Variants in SLCO1B3 observed in about 807,000 individuals in gnomAD.
The protein encoded by SLCO1B3 is solute carrier organic anion transporter family member 1B3, also known as liver-specific organic anion transporter 2.
A neutral mutation model predicts 71.8 loss-of-function variants in SLCO1B3; 72 were observed. The ratio of observed to expected loss-of-function variants is 1.00; its 90% confidence interval spans 0.83 to 1.22. The LOEUF (loss-of-function observed/expected upper bound fraction) is 1.22. Ranked by LOEUF, SLCO1B3 falls within the 50% of genes most tolerant of loss-of-function variation. SLCO1B3 has a pLI of 0.00. For missense variants in SLCO1B3, 911 were observed against 819.7 expected (o/e 1.11, Z -1.36); for synonymous variants, 298 against 278.4 (o/e 1.07, Z -0.70).
At position 20,862,553 on chromosome 12, in the gene SLCO1B3, A is replaced by G. The variant is rs907711052; in HGVS notation, c.623A>G (p.Tyr208Cys). 1.9e-6 allele frequency: 3 copies of G among 1,607,028 alleles called. No homozygotes were observed. The highest frequency in any genetic ancestry group is 2.6e-6 in the Non-Finnish European group (3 of 1,175,116). The change falls in exon 7 of 16, where the codon TAT becomes TGT. Residue 208 changes from tyrosine (Y) to cysteine (C), a missense_variant. Coordinates refer to ENST00000381545, the MANE Select transcript of SLCO1B3 (RefSeq NM_019844.4). ...GCAAAAGAAGGACATTCTTCCTTGT[A>G]TTTAGGTAACGTACAGAATATATTA... is the stretch of plus-strand genomic sequence containing the variant. ...DFAKEGHSSL[Y>C]LGSLNAIGMI...
intron 8 of SLCO1B3, among the ~76,000 whole-genome samples, chr12:20,874,383 A>G (rs1231957069): frequency 6.6e-6 from 1 of 152,162 alleles, no homozygotes; most frequent in Non-Finnish European, 1.5e-5. Context: ...TTCCTGATGT[A>G]TAGCAATCTC....
At chr12:20,833,509 ATG>A (rs749184200) in intron 3 of SLCO1B3, among the ~76,000 whole-genome samples, 13 of 148,642 alleles carry the variant, frequency 8.7e-5, no homozygotes, top group Non-Finnish European at 1.5e-4. Context: ...TATGTTTACT[ATG>A]TATGTATATA....
chr12:20,897,995 T>C (rs1032574909), intron 13 of SLCO1B3, among the ~76,000 whole-genome samples: 4 of 152,164 alleles, frequency 2.6e-5, no homozygotes, highest in African/African-American at 9.7e-5. Context: ...ATCATATTAA[T>C]AAGCTATTCT....
chr12:20,840,609 T>C (rs1405787969), intron 3 of SLCO1B3, among the ~76,000 whole-genome samples: 1 of 152,066 alleles, frequency 6.6e-6, no homozygotes, highest in African/African-American at 2.4e-5. Flanking sequence ...GCCAGGCTGG[T>C]CTTGAACTCC....
intron 15 of SLCO1B3, among the ~76,000 whole-genome samples, chr12:20,911,860 T>C (rs1866384327): frequency 6.6e-6 from 1 of 152,184 alleles, no homozygotes; most frequent in Non-Finnish European, 1.5e-5. Flanking sequence ...TCCAATTTTA[T>C]TGATTTTTTT....
intron 15 of SLCO1B3, among the ~76,000 whole-genome samples, chr12:20,915,175 G>A (rs558561731): frequency 2.6e-5 from 4 of 151,472 alleles, no homozygotes; most frequent in African/African-American, 9.7e-5. Context: ...TGGTTATTCT[G>A]TTTTTTCTTT....
In SLCO1B3 at chr12:20,912,942, G is replaced by T. The variant is rs373822258; in HGVS notation, c.1866-3062G>T. On this transcript the variant is annotated intron_variant, in intron 15 of 15. Transcript: ENST00000381545. Reference sequence around the variant, plus strand: ...TCTGCCTGCCTTGGCCTCCCAAAGTGCTGGGATTACAGGCCTGAGCCACCA... The same window carrying T: ...TCTGCCTGCCTTGGCCTCCCAAAGTTCTGGGATTACAGGCCTGAGCCACCA... 3.3e-5 allele frequency among the ~76,000 whole-genome samples: 5 copies of T among 151,672 alleles called. No homozygotes were observed. The East Asian group carries it at 9.7e-4, about 30-fold the overall frequency.
intron 3 of SLCO1B3, among the ~76,000 whole-genome samples, chr12:20,826,701 CA>C (rs1263297194): frequency 6.6e-6 from 1 of 151,658 alleles, no homozygotes; most frequent in Non-Finnish European, 1.5e-5. Context: ...ATTAATCACA[CA>C]AGATTCTTTC....
chr12:20,838,267 T>A (rs542082723), intron 3 of SLCO1B3, among the ~76,000 whole-genome samples: 1 of 152,068 alleles, frequency 6.6e-6, no homozygotes, highest in Non-Finnish European at 1.5e-5. Context: ...TTAATATAGC[T>A]ATTCCTGATT....
intron 3 of SLCO1B3, among the ~76,000 whole-genome samples, chr12:20,835,177 A>G (rs1864651480): frequency 6.6e-6 from 1 of 152,110 alleles, no homozygotes; most frequent in Admixed American, 6.5e-5. Flanking sequence ...CCAAGTCATG[A>G]GACTGCACAC....
chr12:20,857,192 CTT>C (rs1865157766), intron 4 of SLCO1B3, among the ~76,000 whole-genome samples: 1 of 152,074 alleles, frequency 6.6e-6, no homozygotes, highest in Admixed American at 6.6e-5. Context: ...ATATGCATCT[CTT>C]TTTTATCTTT....
At chr12:20,838,020 A>G (rs1210758696) in intron 3 of SLCO1B3, among the ~76,000 whole-genome samples, 1 of 151,862 alleles carries the variant, frequency 6.6e-6, no homozygotes, top group African/African-American at 2.4e-5. Context: ...TTGGGTGCAT[A>G]TATGTTAAGG....
intron 2 of SLCO1B3, 66 bp downstream of exon 2, chr12:20,813,704 G>GTATATACT (rs907206020): frequency 6.6e-6 from 1 of 152,158 alleles, no homozygotes; most frequent in African/African-American, 2.4e-5. Flanking sequence ...TGAATCAACA[G>GTATATACT]TATATACTAA....
At chr12:20,870,422 A>G (rs1418858723) in intron 8 of SLCO1B3, among the ~76,000 whole-genome samples, 2 of 152,162 alleles carry the variant, frequency 1.3e-5, no homozygotes, top group Admixed American at 1.3e-4. Context: ...AAATGTAATG[A>G]AATTCTTTCT....
intron 12 of SLCO1B3, among the ~76,000 whole-genome samples, chr12:20,881,737 T>C (rs1158450703): frequency 1.3e-5 from 2 of 152,146 alleles, no homozygotes; most frequent in Non-Finnish European, 2.9e-5. Flanking sequence ...CTCCCAATGA[T>C]TGGAAATTAG....
chr12:20,855,024 T>A lies in SLCO1B3; in HGVS notation c.85-4T>A, dbSNP rs1405930046. ...ATTTTCATTTTTTCTTCTATTGTTT[T>A]TAGATGTTCTTGGCAGCCCTGTCAT... On this transcript the variant is annotated splice_region_variant and splice_polypyrimidine_tract_variant and intron_variant, in intron 3 of 15. Coordinates refer to ENST00000381545, the MANE Select transcript of SLCO1B3 (RefSeq NM_019844.4). The A allele has an allele frequency of 2.5e-6, 4 of 1,608,870 alleles. No individual in the cohort carries two copies. Among genetic ancestry groups the A allele is most frequent in the Non-Finnish European group, 3.4e-6 (4 of 1,179,116 alleles).
In SLCO1B3 at chr12:20,898,468, T is replaced by G; in HGVS notation, c.1715T>G (p.Met572Arg). ...CAACCTGAATTGAAAGCACTTGCAA[T>G]GGGTTTCCAGTCAATGGTTATAAGA... ...IVQPELKALA[M>R]GFQSMVIRTL... The change falls in exon 14 of 16, where the codon ATG becomes AGG. Residue 572 changes from methionine to arginine, a missense_variant. By Grantham distance (91) the Met-to-Arg change is moderately conservative (BLOSUM62 -1). Transcript: ENST00000381545. 6.3e-7 allele frequency: 1 copy of G among 1,598,044 alleles called. No individual in the cohort carries two copies. The highest frequency in any genetic ancestry group is 8.6e-7 in the Non-Finnish European group (1 of 1,168,108).
chr12:20,877,875 C>T lies in SLCO1B3; in HGVS notation c.1074C>T (p.Tyr358=), dbSNP rs145036538. 4.4e-5 allele frequency: 70 copies of T among 1,588,922 alleles called. No individual in the cohort carries two copies. In the Middle Eastern group the frequency reaches 6.7e-4, roughly 15 times the overall value. The change falls in exon 10 of 16, where the codon TAC becomes TAT. Residue 358 remains tyrosine, a synonymous_variant. Coordinates refer to ENST00000381545, the MANE Select transcript of SLCO1B3 (RefSeq NM_019844.4). ...QVSSFIGSFT[Y]VFKYMEQQYG... is the part of the protein sequence containing the mutation. ...GCAGCTTTATTGGTTCTTTTACTTA[C>T]GTCTTTAAATATATGGAGCAACAGT...
intron 3 of SLCO1B3, among the ~76,000 whole-genome samples, chr12:20,826,329 T>A (rs1470035100): frequency 6.6e-6 from 1 of 152,154 alleles, no homozygotes; most frequent in Non-Finnish European, 1.5e-5. Flanking sequence ...ATCTCAATCC[T>A]TCTCAAAGGG....
Sources: allele counts gnomAD v4.1 joint callset (sites outside exome capture counted in the v4.1 genomes callset), GRCh38; gene constraint gnomAD v4.1.1; transcripts MANE v1.5; gene names NCBI Gene and HGNC (gene_info 2026-07-23, HGNC 2026-07-21).